THEMIS: variants seen among roughly 807,000 people sequenced by gnomAD.
THEMIS encodes the protein protein THEMIS.
A neutral mutation model predicts 52.6 loss-of-function variants in THEMIS; 37 were observed. The ratio of observed to expected loss-of-function variants is 0.70; its 90% CI spans 0.54 to 0.93. The LOEUF (loss-of-function observed/expected upper bound fraction) is 0.93, where lower values mean the gene tolerates loss of function less well. Among genes scored for constraint, THEMIS ranks in the 40% least tolerant of loss-of-function variants. The probability of loss-of-function intolerance (pLI) is 0.00; values close to 1 mark genes in which losing one functional copy is unlikely to be tolerated. For synonymous variants in THEMIS, 292 were observed against 272.7 expected, an observed-to-expected ratio of 1.07 and a Z score of -0.70; for missense variants, 808 against 763.1, an observed-to-expected ratio of 1.06 and a Z score of -0.69.
chr6:127,809,020 G>A (rs1053486387), intron 4 of THEMIS, among the ~76,000 whole-genome samples: 1 of 152,156 alleles, frequency 6.6e-6, no homozygotes, highest in Non-Finnish European at 1.5e-5. Context: ...TGCAAGAAAT[G>A]ATTTAGTAAA....
At chr6:127,879,250 T>C (rs1780404870) in intron 1 of THEMIS, among the ~76,000 whole-genome samples, 1 of 152,178 alleles carries the variant, frequency 6.6e-6, no homozygotes, top group Non-Finnish European at 1.5e-5. Context: ...TGTTAACAAA[T>C]AGCATATCTT....
chr6:127,754,757 A>C (rs951026023), intron 4 of THEMIS, among the ~76,000 whole-genome samples: 1 of 152,208 alleles, frequency 6.6e-6, no homozygotes. Flanking sequence ...ACAGCAATGC[A>C]TTCTGGGTAT....
chr6:127,896,548 C>T (rs1383817073), intron 1 of THEMIS, among the ~76,000 whole-genome samples: 4 of 151,392 alleles, frequency 2.6e-5, no homozygotes, highest in African/African-American at 4.8e-5. Context: ...TAAAATGATG[C>T]CAATTTTCTC....
chr6:127,916,933 T>C (rs1299763356), intron 1 of THEMIS, among the ~76,000 whole-genome samples: 3 of 152,228 alleles, frequency 2.0e-5, no homozygotes, highest in Non-Finnish European at 4.4e-5. Context: ...GAAGCTATTA[T>C]GTTAATGGAC....
intron 4 of THEMIS, among the ~76,000 whole-genome samples, chr6:127,791,415 G>A (rs368881556): frequency 6.6e-6 from 1 of 152,138 alleles, no homozygotes; most frequent in Non-Finnish European, 1.5e-5. Flanking sequence ...CTGTAGGCAG[G>A]CCATCCCATC....
intron 2 of THEMIS, among the ~76,000 whole-genome samples, chr6:127,831,742 A>G (rs1240485005): frequency 2.0e-5 from 3 of 152,156 alleles, no homozygotes; most frequent in Non-Finnish European, 4.4e-5. Flanking sequence ...AGCAAATGCA[A>G]CCTATCCTAA....
chr6:127,857,635 T>C (rs1003085600), intron 1 of THEMIS, among the ~76,000 whole-genome samples: 17 of 152,048 alleles, frequency 1.1e-4, no homozygotes, highest in Non-Finnish European at 2.2e-4. Context: ...ACAGGTCATT[T>C]GTACTCTAAG....
chr6:127,907,337 A>ATTTTTTTT (rs58472332), intron 1 of THEMIS, among the ~76,000 whole-genome samples: 2,963 of 49,400 alleles, frequency 0.06, 792 homozygotes, highest in Non-Finnish European at 0.077. Flanking sequence ...TTAGGCTCGG[A>ATTTTTTTT]TTTTTTTTTT....
At chr6:127,856,900 T>C (rs2114309390) in intron 1 of THEMIS, among the ~76,000 whole-genome samples, 1 of 152,144 alleles carries the variant, frequency 6.6e-6, no homozygotes, top group South Asian at 2.1e-4. Context: ...ATTAATCACA[T>C]ACTAACATTT....
chr6:127,874,911 G>A (rs1035065372), intron 1 of THEMIS, among the ~76,000 whole-genome samples: 23 of 152,220 alleles, frequency 1.5e-4, no homozygotes, highest in African/African-American at 4.1e-4. Context: ...GGTGCTGGCC[G>A]CACAGCAGGA....
At chr6:127,874,909 C>T (rs1780268926) in intron 1 of THEMIS, among the ~76,000 whole-genome samples, 1 of 152,224 alleles carries the variant, frequency 6.6e-6, no homozygotes, top group South Asian at 2.1e-4. Context: ...CTGGTGCTGG[C>T]CGCACAGCAG....
chr6:127,709,942 C>A lies in THEMIS; in HGVS notation c.*43G>T, dbSNP rs777903014. The A allele has an allele frequency of 1.9e-6, 3 of 1,561,764 alleles. No individual in the cohort carries two copies. The East Asian group carries it at 6.9e-5, about 36-fold the overall frequency. On this transcript the variant is annotated 3_prime_UTR_variant, in exon 6 of 6. Transcript: ENST00000368248. ...AGAAGGCTAGCTTCTTTTTTCACTG[C>A]AACATTTATGTTTGCTGCCTAAGTG...
chr6:127,894,901 TAA>T (rs1780917897), intron 1 of THEMIS, among the ~76,000 whole-genome samples: 1 of 150,952 alleles, frequency 6.6e-6, no homozygotes, highest in Non-Finnish European at 1.5e-5. Flanking sequence ...TGATTAAATG[TAA>T]AAATCCTAAA....
intron 1 of THEMIS, among the ~76,000 whole-genome samples, chr6:127,864,634 C>T (rs1051023531): frequency 2.0e-5 from 3 of 152,036 alleles, no homozygotes; most frequent in Non-Finnish European, 4.4e-5. Flanking sequence ...GAAGCGGTCA[C>T]TGTAGATTAT....
intron 2 of THEMIS, among the ~76,000 whole-genome samples, chr6:127,853,094 C>A (rs553813695): frequency 1.2e-4 from 18 of 151,572 alleles, no homozygotes; most frequent in African/African-American, 4.3e-4. Flanking sequence ...GCATCTTTTT[C>A]TAAATACCAT....
chr6:127,900,143 T>C (rs1583410783), intron 1 of THEMIS, among the ~76,000 whole-genome samples: 1 of 151,790 alleles, frequency 6.6e-6, no homozygotes, highest in Admixed American at 6.6e-5. Context: ...ATTCTATGTA[T>C]TCAAACTAAC....
chr6:127,788,436 T>C (rs1777050425), intron 4 of THEMIS, among the ~76,000 whole-genome samples: 1 of 152,192 alleles, frequency 6.6e-6, no homozygotes, highest in Non-Finnish European at 1.5e-5. Flanking sequence ...AAGCTTCTTA[T>C]CCCACAGGAA....
At chr6:127,697,004 C>T in the THEMIS span, among the ~76,000 whole-genome samples, 3 of 152,114 alleles carry the variant, frequency 2.0e-5, no homozygotes, top group African/African-American at 7.2e-5. Context: ...AACACATGCG[C>T]CCACACACAC....
chr6:127,773,298 CA>C (rs963700977), intron 4 of THEMIS, among the ~76,000 whole-genome samples: 4 of 152,176 alleles, frequency 2.6e-5, no homozygotes, highest in Non-Finnish European at 4.4e-5. Flanking sequence ...TTGATCATCA[CA>C]AAGACTCCAG....
Sources: allele counts gnomAD v4.1 joint callset (sites outside exome capture counted in the v4.1 genomes callset), GRCh38; gene constraint gnomAD v4.1.1; transcripts MANE v1.5; gene names NCBI Gene and HGNC (gene_info 2026-07-23, HGNC 2026-07-21).